EML2: variants seen among roughly 807,000 people sequenced by gnomAD.
EML2 encodes echinoderm microtubule-associated protein-like 2.
Under a neutral mutation model 84.7 loss-of-function variants are expected in EML2, and 59 were observed. That is an observed-to-expected ratio of 0.70 (90% CI 0.56 to 0.86). The LOEUF (loss-of-function observed/expected upper bound fraction) is 0.86. EML2 is among the 40% of genes least tolerant of loss of function. The pLI, the probability that EML2 is intolerant of heterozygous loss-of-function variation, is 0.00. For synonymous variants in EML2, 352 were observed against 348.9 expected, an observed-to-expected ratio of 1.01 and a Z score of -0.10; for missense variants, 818 against 855.6, an observed-to-expected ratio of 0.96 and a Z score of 0.55.
At chr19:45,645,402 G>GCCCT, upstream of EML2, 1 of 1,489,076 alleles carries the variant, frequency 6.7e-7, no homozygotes, top group Non-Finnish European at 8.9e-7. Context: ...CCCCAACCAG[G>GCCCT]CCCTGCCTCC....
upstream of EML2, chr19:45,645,162 G>A (rs1050811764): frequency 5.7e-6 from 7 of 1,228,392 alleles, no homozygotes; most frequent in Non-Finnish European, 7.8e-6. Context: ...AGAGAAAAGG[G>A]GGATCTTCAG....
At chr19:45,643,313 G>A (rs954796907), upstream of EML2, among the ~76,000 whole-genome samples, 14 of 152,240 alleles carry the variant, frequency 9.2e-5, no homozygotes, top group Non-Finnish European at 2.1e-4. Context: ...CTTGGGGGTT[G>A]CAGGCAGCGC....
At chr19:45,643,156 T>C (rs1013181048), upstream of EML2, among the ~76,000 whole-genome samples, 8 of 152,214 alleles carry the variant, frequency 5.3e-5, no homozygotes, top group African/African-American at 1.4e-4. Context: ...GATTCTGTTA[T>C]GAATACCAAC....
intron 8 of EML2, among the ~76,000 whole-genome samples, chr19:45,626,232 G>A (rs765050127): frequency 1.3e-5 from 2 of 150,124 alleles, no homozygotes; most frequent in African/African-American, 2.5e-5. Context: ...GGCTGGTCTC[G>A]AACTCCTGGG....
rs1371033869 is a variant in EML2, at chr19:45,638,850, C to A, written c.44G>T (p.Ser15Ile). ...GAGKTKEVIF[S>I]VEDGSVKMFL... ...TTCCCCATCTCCCCACTCACCCACA[C>A]TGAAGATAACTTCTTTGGTTTTGCT... Residue 15 changes from serine to isoleucine, a missense_variant, in exon 2 of 19, where the codon AGT becomes ATT. By Grantham distance (142) the Ser-to-Ile change is moderately radical (BLOSUM62 -2). Coordinates refer to ENST00000245925, the MANE Select transcript of EML2 (RefSeq NM_012155.4). 6.2e-7 allele frequency: 1 copy of A among 1,613,670 alleles called. No homozygotes were observed. Among genetic ancestry groups the A allele is most frequent in the Non-Finnish European group, 8.5e-7 (1 of 1,179,970 alleles).
chr19:45,642,173 T>C, upstream of EML2: 1 of 1,528,918 alleles, frequency 6.5e-7, no homozygotes, highest in Non-Finnish European at 8.7e-7. Flanking sequence ...GCCCGGCCCT[T>C]GGGGGTGCCC....
rs1371959791 is a variant in EML2 at position 45,632,772 on chromosome 19, C to G, written c.510+89G>C. On this transcript the variant is annotated intron_variant, in intron 6 of 18. Coordinates refer to ENST00000245925, the MANE Select transcript of EML2 (RefSeq NM_012155.4). ...CCACGCCTCCAGCAGGATTCCCGGCCCTCAACCCAAGGGGCGGGTGAAAAG... is the reference window on the plus strand; with the variant it reads ...CCACGCCTCCAGCAGGATTCCCGGCGCTCAACCCAAGGGGCGGGTGAAAAG... The G allele has an allele frequency of 1.5e-5, 17 of 1,163,334 alleles. No homozygotes were observed. The Admixed American group carries it at 3.5e-4, about 24-fold the overall frequency. 72.1% of individuals were successfully genotyped at this position (1,163,334 alleles called of 1,614,324 possible).
upstream of EML2, among the ~76,000 whole-genome samples, chr19:45,639,716 G>T (rs11882792): frequency 0.12 from 18,620 of 152,132 alleles, 1,290 homozygotes; most frequent in East Asian, 0.23. Flanking sequence ...GTACCCGGCC[G>T]GGCGCGGTGG....
chr19:45,631,977 C>G (rs1973098937), intron 6 of EML2, among the ~76,000 whole-genome samples: 1 of 146,098 alleles, frequency 6.8e-6, no homozygotes, highest in Non-Finnish European at 1.5e-5. Flanking sequence ...TCACTGCAAA[C>G]TCCGCCTCCC....
chr19:45,637,667 CTTTTTTTTT>C (rs58180181), intron 3 of EML2, among the ~76,000 whole-genome samples: 6 of 48,894 alleles, frequency 1.2e-4, no homozygotes, highest in African/African-American at 3.0e-4. Context: ...TTTTTCTTTT[CTTTTTTTTT>C]TTTTTTTTTT....
intron 11 of EML2, among the ~76,000 whole-genome samples, chr19:45,619,645 C>T (rs145923457): frequency 6.6e-6 from 1 of 152,310 alleles, no homozygotes; most frequent in East Asian, 1.9e-4. Flanking sequence ...TATTACTGAC[C>T]GAGCGCAGTC....
At chr19:45,615,761 G>C in intron 16 of EML2, 41 bp downstream of exon 16, 1 of 1,474,788 alleles carries the variant, frequency 6.8e-7, no homozygotes, top group African/African-American at 1.4e-5. Flanking sequence ...GTCTGCAAAT[G>C]AGACGGAGGA....
At chr19:45,613,023 T>C (rs1286126719) in intron 18 of EML2, among the ~76,000 whole-genome samples, 3 of 152,042 alleles carry the variant, frequency 2.0e-5, no homozygotes, top group African/African-American at 7.2e-5. Context: ...TCAGACTTCC[T>C]TGTAGCTGGA....
Position 45,615,803 on chromosome 19 carries a change from G to C in EML2, c.1596C>G (p.Tyr532Ter). ...GTCTCTGGGTCCCGGAGAACTCACA[G>C]TACAGAATCTCATAGTCCCCGGAGT... ...VTNSGDYEIL[Y>*]WDPATCKQIT... The change falls in exon 16 of 19, where the codon TAC becomes TAG. Residue 532 changes from tyrosine to a stop codon, truncating the protein, a stop_gained and splice_region_variant. Coordinates refer to ENST00000245925, the MANE Select transcript of EML2 (RefSeq NM_012155.4). LOFTEE classifies it high-confidence loss of function. The C allele has an allele frequency of 6.2e-7, 1 of 1,613,082 alleles. No homozygotes were observed. Among genetic ancestry groups the C allele is most frequent in the Non-Finnish European group, 8.5e-7 (1 of 1,179,230 alleles).
At chr19:45,620,576 G>A in intron 11 of EML2, among the ~76,000 whole-genome samples, 1 of 151,760 alleles carries the variant, frequency 6.6e-6, no homozygotes, top group East Asian at 1.9e-4. Context: ...GGGTGTAGTG[G>A]TACATGCCTA....
Position 45,638,544 on chromosome 19 carries a change from C to T in EML2, c.140G>A (p.Arg47His), listed in dbSNP as rs1442541981. The T allele has an allele frequency of 6.2e-7, 1 of 1,613,930 alleles. No individual in the cohort carries two copies. The highest frequency in any genetic ancestry group is 1.3e-5 in the African/African-American group (1 of 74,876). Reference sequence around the variant, plus strand: ...GAGCCGGCAAGAAGGCAGCTCCGAGCGTGTGTCCAGGCTGTAGGTGGGTGC... The same window carrying T: ...GAGCCGGCAAGAAGGCAGCTCCGAGTGTGTGTCCAGGCTGTAGGTGGGTGC... ...ELAPTYSLDT[R>H]SELPSCRLKL... is the part of the protein sequence containing the mutation. Residue 47 changes from arginine (R) to histidine (H), a missense_variant, in exon 3 of 19, where the codon CGC (arginine) becomes CAC (histidine). Transcript: ENST00000245925.
At chr19:45,641,959 C>T (rs1974557765), upstream of EML2, 1 of 1,444,110 alleles carries the variant, frequency 6.9e-7, no homozygotes. Context: ...AGGATGGGGA[C>T]GTGGCATAGC....
At chr19:45,644,745 C>T (rs755261321), upstream of EML2, 15 of 456,118 alleles carry the variant, frequency 3.3e-5, no homozygotes, top group Non-Finnish European at 6.2e-5. Context: ...TCTGGTATCA[C>T]ACCCATTTGT....
In EML2 at chr19:45,638,823, C is replaced by T. The variant is rs1258043762; in HGVS notation, c.49+22G>A. ...CCCAACAAGCAAGCTTCCACCGAGC[C>T]CTTCCCCATCTCCCCACTCACCCAC... is the stretch of plus-strand genomic sequence containing the variant. On this transcript the variant is annotated intron_variant, in intron 2 of 18. Transcript: ENST00000245925. The T allele has an allele frequency of 1.9e-6, 3 of 1,613,510 alleles. No individual in the cohort carries two copies. The South Asian group carries it at 3.3e-5, about 18-fold the overall frequency.
Sources: gnomAD v4.1 joint callset for allele counts (sites outside exome capture counted in the v4.1 genomes callset) on GRCh38, gnomAD v4.1.1 for gene constraint, MANE v1.5 for transcripts, NCBI Gene and HGNC (gene_info 2026-07-23, HGNC 2026-07-21) for gene names.